The following RCAN3 variants were observed in gnomAD, a reference collection of about 807,000 sequenced individuals.
RCAN3 encodes the protein regulator of calcineurin 3.
Under a neutral mutation model 21.9 loss-of-function variants are expected in RCAN3, and 19 were observed. The ratio of observed to expected loss-of-function variants is 0.87; its 90% CI spans 0.61 to 1.27. The LOEUF (loss-of-function observed/expected upper bound fraction) is 1.27. Ranked by LOEUF, RCAN3 falls within the 50% of genes most tolerant of loss-of-function variation. The probability of loss-of-function intolerance (pLI) is 0.00; values close to 1 mark genes in which losing one functional copy is unlikely to be tolerated. For synonymous variants in RCAN3, 114 were observed against 112.3 expected (o/e 1.01, Z -0.09); for missense variants, 240 against 300.1 (o/e 0.80, Z 1.48).
chr1:24,532,971 A>G, intron 3 of RCAN3, 112 bp from the exon 4 acceptor site: 1 of 733,464 alleles, frequency 1.4e-6, no homozygotes, highest in Admixed American at 4.5e-5. Context: ...AAAAAAAAAA[A>G]AAAAGAAATG....
chr1:24,526,031 A>G (rs1288284023), intron 2 of RCAN3, among the ~76,000 whole-genome samples: 4 of 152,180 alleles, frequency 2.6e-5, no homozygotes, highest in Non-Finnish European at 2.9e-5. Context: ...GAGGAGAGAG[A>G]AAGAACACAA....
chr1:24,530,595 C>T (rs78062283), intron 2 of RCAN3, among the ~76,000 whole-genome samples: 2,494 of 152,174 alleles, frequency 0.016, 81 homozygotes, highest in African/African-American at 0.058. Context: ...CTTGTCCCAC[C>T]GGGGACATCA....
chr1:24,522,727 G>A (rs527955423), intron 2 of RCAN3, among the ~76,000 whole-genome samples: 2 of 152,278 alleles, frequency 1.3e-5, no homozygotes, highest in East Asian at 1.9e-4. Flanking sequence ...CACAGGTAAC[G>A]CTTCCAAGTT....
intron 1 of RCAN3, among the ~76,000 whole-genome samples, chr1:24,513,164 G>C (rs1368211020): frequency 6.6e-6 from 1 of 152,166 alleles, no homozygotes; most frequent in Non-Finnish European, 1.5e-5. Flanking sequence ...GTGAACCCGG[G>C]AGGCGGAGCT....
At chr1:24,503,681 TC>T (rs778580191) in intron 1 of RCAN3, among the ~76,000 whole-genome samples, 3 of 152,240 alleles carry the variant, frequency 2.0e-5, no homozygotes, top group Non-Finnish European at 4.4e-5. Flanking sequence ...TCTTCTAGCT[TC>T]CGTGCAAAAT....
At chr1:24,531,706 C>T (rs1649774317) in intron 3 of RCAN3, among the ~76,000 whole-genome samples, 1 of 152,158 alleles carries the variant, frequency 6.6e-6, no homozygotes, top group South Asian at 2.1e-4. Flanking sequence ...TAACTTCTCT[C>T]CTGTGCATCT....
chr1:24,511,236 C>T (rs1241355964), intron 1 of RCAN3, among the ~76,000 whole-genome samples: 1 of 152,130 alleles, frequency 6.6e-6, no homozygotes, highest in Non-Finnish European at 1.5e-5. Flanking sequence ...TCGCTTGAAC[C>T]CGGGAGGCGG....
intron 1 of RCAN3, among the ~76,000 whole-genome samples, chr1:24,511,980 G>C (rs941544735): frequency 6.6e-6 from 1 of 152,144 alleles, no homozygotes; most frequent in East Asian, 1.9e-4. Context: ...CTGGTAGGAA[G>C]GTGAAGGAGA....
At chr1:24,505,066 C>T (rs1350059993) in intron 1 of RCAN3, among the ~76,000 whole-genome samples, 6 of 151,984 alleles carry the variant, frequency 3.9e-5, no homozygotes, top group African/African-American at 7.3e-5. Flanking sequence ...TACTGTCGCA[C>T]GAAATTTTTC....
At chr1:24,531,923 T>C (rs1649792821) in intron 3 of RCAN3, among the ~76,000 whole-genome samples, 1 of 152,186 alleles carries the variant, frequency 6.6e-6, no homozygotes, top group Non-Finnish European at 1.5e-5. Context: ...TTGGTGTGAC[T>C]CTCTGAGAAA....
intron 2 of RCAN3, among the ~76,000 whole-genome samples, chr1:24,526,487 G>GAA (rs11421939): frequency 1.3e-5 from 2 of 150,728 alleles, no homozygotes; most frequent in African/African-American, 4.9e-5. Flanking sequence ...TCTGGAATTT[G>GAA]AAAAAAAAAT....
chr1:24,529,199 G>A (rs760863590), intron 2 of RCAN3, among the ~76,000 whole-genome samples: 1 of 151,968 alleles, frequency 6.6e-6, no homozygotes, highest in Non-Finnish European at 1.5e-5. Context: ...TTGAGCCCAG[G>A]AGTTCCAGAC....
chr1:24,531,174 T>C lies in RCAN3; in HGVS notation c.196-44T>C, dbSNP rs143607340. ...CTTCTGTTAAAGGTTTTTCTTTTTT[T>C]TTTTTCCTCCCCTTCCCTTTGCCTT... On this transcript the variant is annotated intron_variant, in intron 2 of 4. Coordinates refer to ENST00000374395, the MANE Select transcript of RCAN3 (RefSeq NM_013441.4). 8 of 1,352,862 alleles carry C rather than the reference T, an allele frequency of 5.9e-6. No individual in the cohort carries two copies. The East Asian group carries it at 1.7e-4, about 29-fold the overall frequency. 83.8% of individuals were successfully genotyped at this position (1,352,862 alleles called of 1,614,324 possible). A position where few individuals can be genotyped will look rare whatever the true frequency, so the allele number is the denominator to read the frequency against.
rs1649191157 is a variant in RCAN3 at position 24,525,566 on chromosome 1, A to G, written c.196-5652A>G. Among the ~76,000 whole-genome samples the G allele has an allele frequency of 6.6e-6, 1 of 152,182 alleles. No individual in the cohort carries two copies. The highest frequency in any genetic ancestry group is 2.4e-5 in the African/African-American group (1 of 41,442). On this transcript the variant is annotated intron_variant, in intron 2 of 4. Transcript: ENST00000374395. This position sits in a 1 kb window ranked among gnomAD's most constrained non-coding sequence, Gnocchi z 4.1. ...ATGGAATCCCCATTATCTTTTCTCAAATAAATATGCGGCCATCACCCAACA... is the reference window on the plus strand; with the variant it reads ...ATGGAATCCCCATTATCTTTTCTCAGATAAATATGCGGCCATCACCCAACA...
chr1:24,514,992 T>C (rs978815403), intron 2 of RCAN3, among the ~76,000 whole-genome samples: 1 of 151,786 alleles, frequency 6.6e-6, no homozygotes, highest in South Asian at 2.1e-4. Context: ...AGAAAGTGTA[T>C]GTCCACTTTT....
Position 24,535,317 on chromosome 1 carries a change from T to C in RCAN3, c.*40T>C, listed in dbSNP as rs765634624. ...GTGCGAGGCGGCTGCCCTGGTGGGC[T>C]CTGGCCATGGCGCTCTGTGCCTGCG... On this transcript the variant is annotated 3_prime_UTR_variant, in exon 5 of 5. Transcript: ENST00000374395. The C allele has an allele frequency of 6.7e-7, 1 of 1,500,726 alleles. No individual in the cohort carries two copies. Among genetic ancestry groups the C allele is most frequent in the East Asian group, 2.4e-5 (1 of 41,658 alleles). 93.0% of individuals were successfully genotyped at this position (1,500,726 alleles called of 1,614,324 possible).
chr1:24,525,062 A>C lies in RCAN3; in HGVS notation c.196-6156A>C, dbSNP rs1199358876. ...CATGTTCCCAGTTTGTTCTTCAGTG[A>C]AACAGCTAAACCTTGCCTTCTCCGA... On this transcript the variant is annotated intron_variant, in intron 2 of 4. Coordinates refer to ENST00000374395, the MANE Select transcript of RCAN3 (RefSeq NM_013441.4). The surrounding 1 kb of genome is among the most constrained non-coding windows in gnomAD (Gnocchi z 4.1). Among the ~76,000 whole-genome samples, 2 of 151,956 alleles carry C rather than the reference A, an allele frequency of 1.3e-5. No individual in the cohort carries two copies. The highest frequency in any genetic ancestry group is 4.8e-5 in the African/African-American group (2 of 41,374).
At position 24,503,070 on chromosome 1, in the gene RCAN3, C is replaced by G. The variant is rs1469081540; in HGVS notation, c.-140C>G. 1 of 149,800 alleles carries G rather than the reference C, an allele frequency of 6.7e-6. No homozygotes were observed. The highest frequency in any genetic ancestry group is 1.5e-5 in the Non-Finnish European group (1 of 67,146). 9.3% of individuals were successfully genotyped at this position (149,800 alleles called of 1,614,324 possible). A position where few individuals can be genotyped will look rare whatever the true frequency, so the allele number is the denominator to read the frequency against. ...CGCAGCCCCGTCGGGCAGCCCGGGC[C>G]CGTCCGCTGCCCTCCCGGCTCCCGT... is the stretch of plus-strand genomic sequence containing the variant. On this transcript the variant is annotated 5_prime_UTR_variant, in exon 1 of 5. Coordinates refer to ENST00000374395, the MANE Select transcript of RCAN3 (RefSeq NM_013441.4).
intron 3 of RCAN3, among the ~76,000 whole-genome samples, chr1:24,531,756 A>C (rs1649780589): frequency 6.6e-6 from 1 of 152,186 alleles, no homozygotes; most frequent in African/African-American, 2.4e-5. Context: ...ATCCTTGGGA[A>C]AACTGAGAAA....
Sources: allele counts gnomAD v4.1 joint callset (sites outside exome capture counted in the v4.1 genomes callset), GRCh38; gene constraint gnomAD v4.1.1; non-coding constraint Gnocchi (gnomAD v3.1); transcripts MANE v1.5; gene names NCBI Gene and HGNC (gene_info 2026-07-23, HGNC 2026-07-21).